TRPM3: variants seen among roughly 807,000 people sequenced by gnomAD.
TRPM3 encodes the protein long transient receptor potential channel 3.
A neutral mutation model predicts 181.2 loss-of-function variants in TRPM3; 77 were observed. The observed-to-expected ratio is 0.42, with a 90% CI of 0.35 to 0.51. TRPM3 has a LOEUF of 0.51. TRPM3 is among the 20% of genes least tolerant of loss of function. The pLI, the probability that TRPM3 is intolerant of heterozygous loss-of-function variation, is 0.01. For missense variants in TRPM3, 1,759 were observed against 2,196.7 expected (o/e 0.80, Z 3.98); for synonymous variants, 745 against 796.4 (o/e 0.94, Z 1.09).
rs57929544 is a variant in TRPM3, at chr9:70,668,672, GAAAAAAAAAAAAAA to G, written c.1345+12820_1345+12833del. Among the ~76,000 whole-genome samples the G allele has an allele frequency of 3.0e-3, 260 of 86,542 alleles. 1 individual carries two copies. Among genetic ancestry groups the G allele is most frequent in the African/African-American group, 0.011 (250 of 22,914 alleles). 56.8% of individuals were successfully genotyped at this position (86,542 alleles called of 152,430 possible). Reference sequence around the variant, plus strand: ...AGAGCGAGACTCCGTCTCAAAAAAAGAAAAAAAAAAAAAAAAAAAAAAAAAGAAACATAGTAACT... The same window carrying G: ...AGAGCGAGACTCCGTCTCAAAAAAAGAAAAAAAAAAAGAAACATAGTAACT... On this transcript the variant is annotated intron_variant, in intron 9 of 25. Coordinates refer to ENST00000677713, the MANE Select transcript of TRPM3 (RefSeq NM_001366145.2).
chr9:71,416,960 G>A (rs368611884), intron 1 of TRPM3, among the ~76,000 whole-genome samples: 1 of 151,852 alleles, frequency 6.6e-6, no homozygotes, highest in African/African-American at 2.4e-5. Context: ...TCTTTACTCA[G>A]CATATTTTTA....
intron 1 of TRPM3, among the ~76,000 whole-genome samples, chr9:71,353,287 G>A (rs759794114): frequency 5.9e-5 from 9 of 152,072 alleles, no homozygotes; most frequent in South Asian, 2.1e-4. Flanking sequence ...CACTAAAAAC[G>A]CTGTGGAGGC....
At position 70,684,145 on chromosome 9, in the gene TRPM3, T is replaced by A. The variant is rs1455740129; in HGVS notation, c.1273-2567A>T. On this transcript the variant is annotated intron_variant, in intron 8 of 25. Transcript: ENST00000677713. ...AAATTCTTCCGAGGCAGCAAATAGA[T>A]AAGATTAAATTTACCCTGAAATACA... Among the ~76,000 whole-genome samples the A allele has an allele frequency of 7.2e-5, 11 of 152,194 alleles. No homozygotes were observed. In the East Asian group the frequency reaches 2.1e-3, roughly 29 times the overall value.
At chr9:70,578,345 C>T (rs983276426) in intron 22 of TRPM3, among the ~76,000 whole-genome samples, 8 of 147,272 alleles carry the variant, frequency 5.4e-5, no homozygotes, top group African/African-American at 1.7e-4. Context: ...TAGATGCAAA[C>T]TTGAGAAGGG....
intron 1 of TRPM3, among the ~76,000 whole-genome samples, chr9:71,253,237 A>G (rs1182674529): frequency 6.6e-6 from 1 of 152,188 alleles, no homozygotes; most frequent in African/African-American, 2.4e-5. Flanking sequence ...TAAAGAAAAA[A>G]AATTCATCAC....
At position 70,529,621 on chromosome 9, in the gene TRPM3, GGCTAA is replaced by G. The variant is rs925508308; in HGVS notation, c.*6327_*6331del. On this transcript the variant is annotated 3_prime_UTR_variant, in exon 26 of 26. Transcript: ENST00000677713. ...TCTGTGTTCAAGTTTAGAATTATGTGGCTAACAAATATACATGCATATATCATTCA... is the reference window on the plus strand; with the variant it reads ...TCTGTGTTCAAGTTTAGAATTATGTGCAAATATACATGCATATATCATTCA... 1 of 152,078 alleles carries G rather than the reference GGCTAA, an allele frequency of 6.6e-6. No individual in the cohort carries two copies. Among genetic ancestry groups the G allele is most frequent in the Non-Finnish European group, 1.5e-5 (1 of 68,020 alleles). The allele number at this position is 152,078 out of a possible 1,614,324, so 9.4% of individuals were successfully genotyped here.
At chr9:71,319,991 G>T (rs2089044453) in intron 1 of TRPM3, among the ~76,000 whole-genome samples, 2 of 151,990 alleles carry the variant, frequency 1.3e-5, no homozygotes, top group African/African-American at 4.8e-5. Flanking sequence ...AGACTATATG[G>T]GCAAGGAGCA....
chr9:71,429,257 T>C (rs145275383), intron 1 of TRPM3, among the ~76,000 whole-genome samples: 3 of 152,118 alleles, frequency 2.0e-5, no homozygotes, highest in African/African-American at 7.2e-5. Context: ...AAAATAATAA[T>C]AAAAGAATAA....
rs575767034 is a variant in TRPM3, at chr9:71,160,155, C to T, written c.183+286498G>A. On this transcript the variant is annotated intron_variant, in intron 1 of 24. Transcript: ENST00000357533. ...CACACTTTGGCCTTGTAACTCTTTT[C>T]CTGGAGCATTCTCCCCTAAAATATC... Among the ~76,000 whole-genome samples, 14 of 152,238 alleles carry T rather than the reference C, an allele frequency of 9.2e-5. No individual in the cohort carries two copies. In the South Asian group the frequency reaches 2.9e-3, roughly 32 times the overall value.
chr9:71,046,531 T>A (rs2059460191), intron 1 of TRPM3, among the ~76,000 whole-genome samples: 1 of 152,202 alleles, frequency 6.6e-6, no homozygotes, highest in Non-Finnish European at 1.5e-5. Context: ...AATATTGTTA[T>A]CTGCTTCAGA....
chr9:71,197,370 C>G (rs1306895823), intron 1 of TRPM3, among the ~76,000 whole-genome samples: 3 of 152,134 alleles, frequency 2.0e-5, no homozygotes, highest in Non-Finnish European at 4.4e-5. Flanking sequence ...ATCTATAGTC[C>G]TTTGGGTATA....
chr9:71,392,870 T>C (rs2093094790), intron 1 of TRPM3, among the ~76,000 whole-genome samples: 1 of 152,106 alleles, frequency 6.6e-6, no homozygotes, highest in South Asian at 2.1e-4. Flanking sequence ...GGAAATGGAG[T>C]AATCATCAAA....
intron 1 of TRPM3, among the ~76,000 whole-genome samples, chr9:71,167,720 A>T (rs1357549266): frequency 2.6e-5 from 4 of 152,152 alleles, no homozygotes; most frequent in African/African-American, 9.6e-5. Flanking sequence ...CTCTTTTTTA[A>T]AAAAAAGTTT....
intron 1 of TRPM3, among the ~76,000 whole-genome samples, chr9:70,903,988 C>A (rs1263173279): frequency 6.6e-6 from 1 of 151,700 alleles, no homozygotes; most frequent in African/African-American, 2.4e-5. Context: ...TTTGGAAGAC[C>A]AAGGCAGGAG....
Position 71,237,930 on chromosome 9 carries a change from A to G in TRPM3, c.183+208723T>C, listed in dbSNP as rs75841985. 4.2e-3 allele frequency among the ~76,000 whole-genome samples: 642 copies of G among 152,278 alleles called. 4 individuals are homozygous for G. Among genetic ancestry groups the G allele is most frequent in the African/African-American group, 0.015 (619 of 41,562 alleles). ...TCCTGTTAATTAGGAAGATTCCCTC[A>G]TAGTCCTCATTCCTTCATAAAGGCC... is the stretch of plus-strand genomic sequence containing the variant. On this transcript the variant is annotated intron_variant, in intron 1 of 24. Transcript: ENST00000357533.
rs2041338663 is a variant in TRPM3 at position 70,534,513 on chromosome 9, G to T, written c.*1440C>A. 1 of 152,112 alleles carries T rather than the reference G, an allele frequency of 6.6e-6. No homozygotes were observed. The highest frequency in any genetic ancestry group is 2.4e-5 in the African/African-American group (1 of 41,430). The allele number at this position is 152,112 out of a possible 1,614,324, so 9.4% of individuals were successfully genotyped here. ...CCATTTATTTTATATATAAATATGT[G>T]TCTCTGCATAAATGCATATACATGT... On this transcript the variant is annotated 3_prime_UTR_variant, in exon 26 of 26. Coordinates refer to ENST00000677713, the MANE Select transcript of TRPM3 (RefSeq NM_001366145.2).
At chr9:70,929,454 G>A (rs949257173) in intron 1 of TRPM3, among the ~76,000 whole-genome samples, 5 of 151,906 alleles carry the variant, frequency 3.3e-5, no homozygotes, top group African/African-American at 7.3e-5. Flanking sequence ...TGCCCACCTC[G>A]GCCTCCCAAA....
intron 1 of TRPM3, among the ~76,000 whole-genome samples, chr9:71,314,134 AAT>A (rs2088297554): frequency 6.6e-6 from 1 of 152,116 alleles, no homozygotes; most frequent in African/African-American, 2.4e-5. Context: ...TGGTGTGATG[AAT>A]ATCTTTTCAC....
intron 1 of TRPM3, among the ~76,000 whole-genome samples, chr9:70,867,047 A>G (rs1467021098): frequency 6.6e-6 from 1 of 152,018 alleles, no homozygotes; most frequent in African/African-American, 2.4e-5. Context: ...GTATCCTGGC[A>G]TTTGGACAGA....
Sources: allele counts gnomAD v4.1 joint callset (sites outside exome capture counted in the v4.1 genomes callset), GRCh38; gene constraint gnomAD v4.1.1; transcripts MANE v1.5; gene names NCBI Gene and HGNC (gene_info 2026-07-23, HGNC 2026-07-21).